The following FIG4 variants were observed in gnomAD, a reference collection of about 807,000 sequenced individuals.
FIG4 encodes the protein FIG4 phosphoinositide 5-phosphatase.
In FIG4, 112 loss-of-function variants were observed where a neutral mutation model predicts 118.6. The ratio of observed to expected loss-of-function variants is 0.94; its 90% CI spans 0.81 to 1.11. The LOEUF (loss-of-function observed/expected upper bound fraction) is 1.11. FIG4 is among the 50% of genes least tolerant of loss of function. The pLI is 0.00. For missense variants in FIG4, 969 were observed against 1,111.7 expected (o/e 0.87, Z 1.83); for synonymous variants, 369 against 381.2 (o/e 0.97, Z 0.37).
chr6:109,822,163 A>G (rs188879296), intron 22 of FIG4, among the ~76,000 whole-genome samples: 1 of 152,300 alleles, frequency 6.6e-6, no homozygotes, highest in East Asian at 1.9e-4. Flanking sequence ...CTTTTTTTAA[A>G]AGTGCAAACA....
intron 17 of FIG4, 45 bp from the exon 18 acceptor site, chr6:109,786,257 G>C (rs1562683517): frequency 1.3e-6 from 2 of 1,543,526 alleles, no homozygotes; most frequent in Non-Finnish European, 1.8e-6. Flanking sequence ...ATGTTTGCTT[G>C]CTATAATCTC....
chr6:109,762,487 A>G (rs1562669196), intron 12 of FIG4, among the ~76,000 whole-genome samples: 1 of 151,480 alleles, frequency 6.6e-6, no homozygotes, highest in Non-Finnish European at 1.5e-5. Flanking sequence ...ACAGTGAACT[A>G]TTTTTCAGTA....
chr6:109,774,643 G>A (rs1392593428), intron 15 of FIG4, among the ~76,000 whole-genome samples: 1 of 152,148 alleles, frequency 6.6e-6, no homozygotes, highest in Non-Finnish European at 1.5e-5. Context: ...CAACTTAACA[G>A]ACAGAAAATG....
intron 10 of FIG4, among the ~76,000 whole-genome samples, chr6:109,756,823 A>G (rs1776922422): frequency 6.6e-6 from 1 of 152,136 alleles, no homozygotes; most frequent in Non-Finnish European, 1.5e-5. Flanking sequence ...TGGTTATTCT[A>G]GTTATACATT....
chr6:109,736,886 G>A (rs1398168667), intron 6 of FIG4, among the ~76,000 whole-genome samples: 1 of 152,014 alleles, frequency 6.6e-6, no homozygotes. Flanking sequence ...CAGTTTTCTT[G>A]CCCTTTCCAT....
chr6:109,799,916 T>C (rs1562691463), intron 22 of FIG4, among the ~76,000 whole-genome samples: 1 of 152,136 alleles, frequency 6.6e-6, no homozygotes, highest in South Asian at 2.1e-4. Context: ...TCATAACCAC[T>C]CCCTGAGTGT....
intron 7 of FIG4, among the ~76,000 whole-genome samples, chr6:109,739,496 T>A: frequency 6.6e-6 from 1 of 152,112 alleles, no homozygotes; most frequent in East Asian, 1.9e-4. Context: ...TTGTAATGGA[T>A]TTGTATTTTT....
At chr6:109,794,495 C>G (rs976949992) in intron 21 of FIG4, among the ~76,000 whole-genome samples, 13 of 152,216 alleles carry the variant, frequency 8.5e-5, no homozygotes, top group African/African-American at 2.9e-4. Context: ...AATATCTCCC[C>G]TCTCCATCTG....
intron 15 of FIG4, among the ~76,000 whole-genome samples, chr6:109,775,684 C>G (rs971836002): frequency 6.6e-6 from 1 of 151,870 alleles, no homozygotes; most frequent in Admixed American, 6.6e-5. Context: ...GATGTTTTCT[C>G]TCAACAAGTG....
chr6:109,727,654 A>G (rs1186354212), intron 4 of FIG4, among the ~76,000 whole-genome samples: 2 of 152,198 alleles, frequency 1.3e-5, no homozygotes, highest in Admixed American at 6.5e-5. Flanking sequence ...AAGTATTTTT[A>G]TGATGAAAAA....
intron 13 of FIG4, 105 bp downstream of exon 13, chr6:109,764,087 A>T: frequency 1.3e-6 from 1 of 746,354 alleles, no homozygotes; most frequent in South Asian, 1.6e-5. Context: ...TTTAATGCAG[A>T]ATTATTATTT....
intron 1 of FIG4, among the ~76,000 whole-genome samples, chr6:109,705,232 G>C (rs142501972): frequency 1.3e-5 from 2 of 152,288 alleles, no homozygotes; most frequent in African/African-American, 4.8e-5. Flanking sequence ...AGGATATACA[G>C]TGTTGATATA....
intron 15 of FIG4, among the ~76,000 whole-genome samples, chr6:109,774,353 A>G (rs1052910940): frequency 6.6e-6 from 1 of 152,152 alleles, no homozygotes; most frequent in South Asian, 2.1e-4. Flanking sequence ...ATGGTACTCT[A>G]TCTTTGAGAA....
At chr6:109,805,803 A>G (rs374009345) in intron 22 of FIG4, among the ~76,000 whole-genome samples, 2 of 152,322 alleles carry the variant, frequency 1.3e-5, no homozygotes, top group East Asian at 1.9e-4. Flanking sequence ...TTTTACAATA[A>G]AACTTTTAGG....
intron 22 of FIG4, among the ~76,000 whole-genome samples, chr6:109,813,004 G>T (rs564978280): frequency 2.6e-5 from 4 of 152,112 alleles, no homozygotes; most frequent in Non-Finnish European, 4.4e-5. Flanking sequence ...TTAGTTTGTT[G>T]TAATTTTCTC....
intron 22 of FIG4, among the ~76,000 whole-genome samples, chr6:109,818,362 G>T (rs961882989): frequency 6.6e-6 from 1 of 151,940 alleles, no homozygotes; most frequent in Non-Finnish European, 1.5e-5. Context: ...CACCATGCCC[G>T]GCTAATTTTG....
At chr6:109,779,492 G>A (rs1394888067) in intron 16 of FIG4, among the ~76,000 whole-genome samples, 1 of 152,158 alleles carries the variant, frequency 6.6e-6, no homozygotes, top group African/African-American at 2.4e-5. Context: ...GTGAGAATCA[G>A]CTCTAAGCCT....
chr6:109,693,854 T>G (rs1158426962), intron 1 of FIG4, among the ~76,000 whole-genome samples: 2 of 151,946 alleles, frequency 1.3e-5, no homozygotes, highest in African/African-American at 4.9e-5. Context: ...AGTCTCGGTT[T>G]TGTTAAATAA....
At chr6:109,749,777 T>G (rs577214117) in intron 10 of FIG4, among the ~76,000 whole-genome samples, 4 of 152,138 alleles carry the variant, frequency 2.6e-5, no homozygotes, top group Non-Finnish European at 5.9e-5. Context: ...GCCAGGTATC[T>G]CACATGTACA....
Sources: gnomAD v4.1 joint callset for allele counts (sites outside exome capture counted in the v4.1 genomes callset) on GRCh38, gnomAD v4.1.1 for gene constraint, MANE v1.5 for transcripts, NCBI Gene and HGNC (gene_info 2026-07-23, HGNC 2026-07-21) for gene names.